RAD18: variants seen among roughly 807,000 people sequenced by gnomAD.
The protein encoded by RAD18 is E3 ubiquitin-protein ligase RAD18.
In RAD18, 47 loss-of-function variants were observed where a neutral mutation model predicts 60.4. That is an observed-to-expected ratio of 0.78 (90% CI 0.62 to 0.99). The LOEUF is 0.99. Ranked by LOEUF, RAD18 falls within the 50% of genes least tolerant of loss-of-function variation. RAD18 has a pLI of 0.00. For synonymous variants in RAD18, 225 were observed against 195.5 expected (o/e 1.15, Z -1.26); for missense variants, 640 against 593.3 (o/e 1.08, Z -0.82).
In RAD18 at chr3:8,880,787, A is replaced by G. The variant is rs1027350225; in HGVS notation, c.*570T>C. 4 of 152,350 alleles carry G rather than the reference A, an allele frequency of 2.6e-5. No individual in the cohort carries two copies. Among genetic ancestry groups the G allele is most frequent in the African/African-American group, 9.6e-5 (4 of 41,460 alleles). 9.4% of individuals were successfully genotyped at this position (152,350 alleles called of 1,614,324 possible). A position where few individuals can be genotyped will look rare whatever the true frequency, so the allele number is the denominator to read the frequency against. On this transcript the variant is annotated 3_prime_UTR_variant, in exon 13 of 13. Transcript: ENST00000264926. ...TAATATCCTACTCTGAGAAATGTGTAAGACACAGGTCTAACAAACAACTAC... is the reference window on the plus strand; with the variant it reads ...TAATATCCTACTCTGAGAAATGTGTGAGACACAGGTCTAACAAACAACTAC...
rs76671896 is a variant in RAD18 at position 8,960,449 on chromosome 3, A to T, written c.52-1448T>A. On this transcript the variant is annotated intron_variant, in intron 1 of 12. Coordinates refer to ENST00000264926, the MANE Select transcript of RAD18 (RefSeq NM_020165.4). ...TACTTTTTATTTTATGTGTATTTTG[A>T]ACCATGTGAACCTATTACCTGAATT... 2.5e-3 allele frequency among the ~76,000 whole-genome samples: 374 copies of T among 152,348 alleles called. 1 individual carries two copies. The highest frequency in any genetic ancestry group is 8.6e-3 in the African/African-American group (356 of 41,588).
Position 8,957,384 on chromosome 3 carries a change from A to T in RAD18, c.133+1536T>A, listed in dbSNP as rs546932793. ...GATCCTAAAAAAAACGAAGAAAAAA[A>T]AGTTGGAGGACTTACAATGCCTGAC... is the stretch of plus-strand genomic sequence containing the variant. On this transcript the variant is annotated intron_variant, in intron 2 of 12. Transcript: ENST00000264926. Among the ~76,000 whole-genome samples the T allele has an allele frequency of 2.6e-5, 4 of 152,320 alleles. No homozygotes were observed. The South Asian group carries it at 8.3e-4, about 32-fold the overall frequency.
intron 4 of RAD18, among the ~76,000 whole-genome samples, chr3:8,942,168 AC>A (rs924442198): frequency 1.3e-5 from 2 of 152,306 alleles, no homozygotes; most frequent in Admixed American, 6.5e-5. Flanking sequence ...TGGAGGTGGG[AC>A]CTGGTGGAAG....
chr3:8,942,951 G>T (rs28499531), intron 4 of RAD18, among the ~76,000 whole-genome samples: 118 of 152,252 alleles, frequency 7.8e-4, no homozygotes, highest in African/African-American at 2.8e-3. Context: ...GAGAAATCTT[G>T]GTAAGATCAT....
At chr3:8,911,402 G>A (rs964510989) in intron 9 of RAD18, among the ~76,000 whole-genome samples, 1 of 152,096 alleles carries the variant, frequency 6.6e-6, no homozygotes. Flanking sequence ...CTGATCATTT[G>A]ATATTCTCTT....
At chr3:8,958,731 A>G (rs1183892730) in intron 2 of RAD18, among the ~76,000 whole-genome samples, 189 bp downstream of exon 2, 1 of 152,252 alleles carries the variant, frequency 6.6e-6, no homozygotes, top group Non-Finnish European at 1.5e-5. Context: ...AACGAGGTAG[A>G]AAATATAGAA....
Position 8,963,196 on chromosome 3 carries a change from G to T in RAD18, c.51+139C>A, listed in dbSNP as rs1405946395. 9.6e-6 allele frequency: 9 copies of T among 933,680 alleles called. No homozygotes were observed. The African/African-American group carries it at 1.2e-4, about 12-fold the overall frequency. The allele number at this position is 933,680 out of a possible 1,614,324, so 57.8% of individuals were successfully genotyped here. A position where few individuals can be genotyped will look rare whatever the true frequency, so the allele number is the denominator to read the frequency against. On this transcript the variant is annotated intron_variant, in intron 1 of 12. Coordinates refer to ENST00000264926, the MANE Select transcript of RAD18 (RefSeq NM_020165.4). ...CCCAGAGCCACGCGGTCGGCTAGTG[G>T]CAGGGCAGAGCCGGATACCCGGGCC... is the stretch of plus-strand genomic sequence containing the variant.
chr3:8,911,671 G>C (rs915330911), intron 9 of RAD18, among the ~76,000 whole-genome samples: 12 of 152,098 alleles, frequency 7.9e-5, no homozygotes, highest in Admixed American at 7.9e-4. Flanking sequence ...GAAATGAAGA[G>C]AGAAAAAAAT....
rs1002344044 is a variant in RAD18, at chr3:8,963,443, C to G, written c.-58G>C. On this transcript the variant is annotated 5_prime_UTR_variant, in exon 1 of 13. Coordinates refer to ENST00000264926, the MANE Select transcript of RAD18 (RefSeq NM_020165.4). ...CCACTAGCCTCCGGCGCTCCAACACCACTCGAAATTCCCCGCGCTACCGCA... is the reference window on the plus strand; with the variant it reads ...CCACTAGCCTCCGGCGCTCCAACACGACTCGAAATTCCCCGCGCTACCGCA... The G allele has an allele frequency of 6.8e-7, 1 of 1,462,554 alleles. No homozygotes were observed. Among genetic ancestry groups the G allele is most frequent in the Admixed American group, 2.0e-5 (1 of 49,202 alleles). The allele number at this position is 1,462,554 out of a possible 1,614,324, so 90.6% of individuals were successfully genotyped here. A position where few individuals can be genotyped will look rare whatever the true frequency, so the allele number is the denominator to read the frequency against.
Position 8,938,992 on chromosome 3 carries a change from T to C in RAD18, c.704+562A>G, listed in dbSNP as rs569141717. ...AACAGCACAGTTGTTTAGATGTAAA[T>C]ACTGAGCTGACAATTTATTAGCTAC... On this transcript the variant is annotated intron_variant, in intron 6 of 12. Coordinates refer to ENST00000264926, the MANE Select transcript of RAD18 (RefSeq NM_020165.4). Among the ~76,000 whole-genome samples, 72 of 152,262 alleles carry C rather than the reference T, an allele frequency of 4.7e-4. No individual in the cohort carries two copies. In the South Asian group the frequency reaches 0.015, roughly 31 times the overall value.
chr3:8,920,898 CA>C (rs758232066), intron 7 of RAD18, among the ~76,000 whole-genome samples: 5 of 152,128 alleles, frequency 3.3e-5, no homozygotes, highest in Non-Finnish European at 5.9e-5. Flanking sequence ...AAAAAATCTA[CA>C]AAGGTTATTA....
At position 8,912,372 on chromosome 3, in the gene RAD18, C is replaced by T. The variant is rs768361215; in HGVS notation, c.967G>A (p.Val323Ile). 4 of 1,539,868 alleles carry T rather than the reference C, an allele frequency of 2.6e-6. No individual in the cohort carries two copies. Among genetic ancestry groups the T allele is most frequent in the Non-Finnish European group, 3.5e-6 (4 of 1,141,580 alleles). ...GTTTGGTCCTTTGTAAAAACCATTA[C>T]CTAAAATAATCAAAAAAAGACCTTA... is the stretch of plus-strand genomic sequence containing the variant. ...RLEASKLNES[V>I]MVFTKDQTEK... Residue 323 changes from valine (V) to isoleucine (I), a missense_variant and splice_region_variant, in exon 9 of 13, where the codon GTA (valine) becomes ATA (isoleucine). Val to Ile is a conservative substitution (Grantham distance 29, BLOSUM62 3). Transcript: ENST00000264926.
At position 8,936,636 on chromosome 3, in the gene RAD18, A is replaced by C. The variant is rs181499551; in HGVS notation, c.705-581T>G. On this transcript the variant is annotated intron_variant, in intron 6 of 12. Coordinates refer to ENST00000264926, the MANE Select transcript of RAD18 (RefSeq NM_020165.4). ...TTACACTTGCTATCATTTCAAAATAAGAATAGCAAAGATTCAGGTGAAAAT... is the reference window on the plus strand; with the variant it reads ...TTACACTTGCTATCATTTCAAAATACGAATAGCAAAGATTCAGGTGAAAAT... 3.3e-5 allele frequency among the ~76,000 whole-genome samples: 5 copies of C among 152,368 alleles called. No individual in the cohort carries two copies. The East Asian group carries it at 9.6e-4, about 29-fold the overall frequency.
rs150557851 is a variant in RAD18, at chr3:8,921,625, G to C, written c.890-7905C>G. 8.9e-3 allele frequency among the ~76,000 whole-genome samples: 1,347 copies of C among 152,104 alleles called. 17 individuals carry two copies. Among genetic ancestry groups the C allele is most frequent in the African/African-American group, 0.031 (1,278 of 41,504 alleles). On this transcript the variant is annotated intron_variant, in intron 7 of 12. Coordinates refer to ENST00000264926, the MANE Select transcript of RAD18 (RefSeq NM_020165.4). ...ACTGCACTCCAACCTGGGTGACAGAGCAAGACCCTATCTTTAAAAAAAAAC... is the reference window on the plus strand; with the variant it reads ...ACTGCACTCCAACCTGGGTGACAGACCAAGACCCTATCTTTAAAAAAAAAC...
chr3:8,948,868 T>C (rs970030245), intron 2 of RAD18, among the ~76,000 whole-genome samples: 3 of 152,234 alleles, frequency 2.0e-5, no homozygotes, highest in Admixed American at 1.3e-4. Context: ...GGCTGGGTAC[T>C]GTATAAACCT....
In RAD18 at chr3:8,950,286, C is replaced by G. The variant is rs45563334; in HGVS notation, c.134-1716G>C. Among the ~76,000 whole-genome samples, 1,044 of 152,260 alleles carry G rather than the reference C, an allele frequency of 6.9e-3. 7 individuals are homozygous for G. Among genetic ancestry groups the G allele is most frequent in the African/African-American group, 0.024 (1,002 of 41,564 alleles). On this transcript the variant is annotated intron_variant, in intron 2 of 12. Coordinates refer to ENST00000264926, the MANE Select transcript of RAD18 (RefSeq NM_020165.4). Reference sequence around the variant, plus strand: ...CCTGACCATAGGTGACCGCCCACCTCGGCCTCCCAGAGGGCTGGGATTACA... The same window carrying G: ...CCTGACCATAGGTGACCGCCCACCTGGGCCTCCCAGAGGGCTGGGATTACA...
chr3:8,960,765 T>C (rs1414910740), intron 1 of RAD18, among the ~76,000 whole-genome samples: 1 of 152,168 alleles, frequency 6.6e-6, no homozygotes, highest in Non-Finnish European at 1.5e-5. Context: ...ATCCCAAATT[T>C]TAAATGCACA....
intron 7 of RAD18, among the ~76,000 whole-genome samples, chr3:8,923,431 C>T (rs143460098): frequency 0.073 from 11,175 of 152,198 alleles, 512 homozygotes; most frequent in South Asian, 0.14. Flanking sequence ...ACCAAATCTA[C>T]GTCTCACTGG....
At chr3:8,926,937 A>C (rs1205240530) in intron 7 of RAD18, among the ~76,000 whole-genome samples, 1 of 152,138 alleles carries the variant, frequency 6.6e-6, no homozygotes, top group Admixed American at 6.5e-5. Flanking sequence ...TAAATGTTAG[A>C]CCTATAACCA....
Sources: allele counts gnomAD v4.1 joint callset (sites outside exome capture counted in the v4.1 genomes callset), GRCh38; gene constraint gnomAD v4.1.1; transcripts MANE v1.5; gene names NCBI Gene and HGNC (gene_info 2026-07-23, HGNC 2026-07-21).